Variants in TANC1 observed in about 807,000 individuals in gnomAD.
TANC1 encodes tetratricopeptide repeat, ankyrin repeat and coiled-coil containing 1, also known as protein TANC1.
A neutral mutation model predicts 149.7 loss-of-function variants in TANC1; 77 were observed. That is an observed-to-expected ratio of 0.51 (90% CI 0.43 to 0.62). The LOEUF is 0.62. TANC1 is among the 20% of genes least tolerant of loss of function. TANC1 has a pLI of 0.00. For missense variants in TANC1, 1,985 were observed against 2,321.8 expected (o/e 0.85, Z 2.98); for synonymous variants, 854 against 925.0 (o/e 0.92, Z 1.39).
intron 1 of TANC1, among the ~76,000 whole-genome samples, chr2:158,976,988 T>C (rs1219479660): frequency 1.3e-5 from 2 of 152,192 alleles, no homozygotes; most frequent in South Asian, 2.1e-4. Context: ...TTAAATGTTG[T>C]ATAATGTATA....
At chr2:159,052,798 T>C (rs1467604736) in intron 2 of TANC1, among the ~76,000 whole-genome samples, 3 of 152,248 alleles carry the variant, frequency 2.0e-5, no homozygotes, top group Non-Finnish European at 4.4e-5. Flanking sequence ...TTGTATCATA[T>C]TGTGGAAATA....
chr2:159,033,019 C>T (rs2039904567), intron 2 of TANC1, among the ~76,000 whole-genome samples: 1 of 152,046 alleles, frequency 6.6e-6, no homozygotes, highest in South Asian at 2.1e-4. Flanking sequence ...GGAGGAAGAC[C>T]CAGGGCTGAG....
intron 1 of TANC1, among the ~76,000 whole-genome samples, chr2:158,993,216 C>T (rs1414784148): frequency 6.6e-6 from 1 of 152,140 alleles, no homozygotes; most frequent in African/African-American, 2.4e-5. Flanking sequence ...TGGTTCAGTT[C>T]TCCTAACCCC....
intron 3 of TANC1, among the ~76,000 whole-genome samples, chr2:159,071,400 T>A (rs264652): frequency 0.45 from 50,265 of 110,658 alleles, 8,954 homozygotes; most frequent in South Asian, 0.57. Flanking sequence ...TAAAAAAAAA[T>A]TTTTTTTTGA....
At chr2:159,214,034 G>A (rs1396679594) in intron 19 of TANC1, among the ~76,000 whole-genome samples, 1 of 151,434 alleles carries the variant, frequency 6.6e-6, no homozygotes, top group African/African-American at 2.4e-5. Context: ...GCTGAGGCAG[G>A]AGAATCCCTG....
At chr2:159,040,589 T>C (rs1363446592) in intron 2 of TANC1, among the ~76,000 whole-genome samples, 3 of 152,206 alleles carry the variant, frequency 2.0e-5, no homozygotes, top group Admixed American at 6.5e-5. Flanking sequence ...GTAGTTCTCG[T>C]GCCATGATTT....
chr2:159,218,388 C>G (rs10515928), intron 20 of TANC1, among the ~76,000 whole-genome samples: 13,177 of 152,236 alleles, frequency 0.087, 1,202 homozygotes, highest in East Asian at 0.23. Context: ...TGTACCATCT[C>G]TTCCCTGTCA....
In TANC1 at chr2:159,021,031, C is replaced by T. The variant is rs374916863; in HGVS notation, c.-16+19842C>T. Among the ~76,000 whole-genome samples the T allele has an allele frequency of 1.1e-4, 17 of 152,254 alleles. No individual in the cohort carries two copies. The South Asian group carries it at 3.1e-3, about 28-fold the overall frequency. On this transcript the variant is annotated intron_variant, in intron 2 of 26. Transcript: ENST00000263635. ...AGCTACCAGTCATTACCAGGGTATT[C>T]GAAGTGGTTTGCTAGTACTGGTGTG...
At chr2:159,096,921 A>G (rs2046204544) in intron 3 of TANC1, among the ~76,000 whole-genome samples, 1 of 152,248 alleles carries the variant, frequency 6.6e-6, no homozygotes, top group Non-Finnish European at 1.5e-5. Flanking sequence ...ACATACTGAC[A>G]TACTGGTTTT....
At chr2:159,098,228 C>T (rs927524483) in intron 4 of TANC1, among the ~76,000 whole-genome samples, 4 of 152,106 alleles carry the variant, frequency 2.6e-5, no homozygotes, top group African/African-American at 9.7e-5. Context: ...TTTTACTGTA[C>T]CTTTTCTATG....
At chr2:159,038,935 C>T (rs1285754592) in intron 2 of TANC1, among the ~76,000 whole-genome samples, 1 of 152,188 alleles carries the variant, frequency 6.6e-6, no homozygotes, top group Non-Finnish European at 1.5e-5. Context: ...GTACCAGCTC[C>T]TCTTTGTACC....
At chr2:159,061,691 T>C (rs1045862548) in intron 2 of TANC1, among the ~76,000 whole-genome samples, 9 of 152,212 alleles carry the variant, frequency 5.9e-5, no homozygotes, top group Non-Finnish European at 1.3e-4. Context: ...CTTTTTGTTA[T>C]AGGGGTGTCA....
At chr2:159,201,215 G>T (rs1318363479) in intron 19 of TANC1, among the ~76,000 whole-genome samples, 7 of 152,156 alleles carry the variant, frequency 4.6e-5, no homozygotes, top group Admixed American at 6.5e-5. Flanking sequence ...GCCTGCATTT[G>T]TCAGAGGAAT....
At chr2:159,087,155 G>A (rs1043466941) in intron 3 of TANC1, among the ~76,000 whole-genome samples, 2 of 151,974 alleles carry the variant, frequency 1.3e-5, no homozygotes, top group Non-Finnish European at 1.5e-5. Context: ...CAAAAAGCCC[G>A]TTCCTGAAAG....
At chr2:159,097,999 T>C (rs2046309322) in intron 4 of TANC1, among the ~76,000 whole-genome samples, 165 bp downstream of exon 4, 1 of 151,418 alleles carries the variant, frequency 6.6e-6, no homozygotes, top group Admixed American at 6.6e-5. Context: ...AAGGAAAAAG[T>C]ATGGTTTTAA....
At chr2:159,038,879 A>G (rs190600969) in intron 2 of TANC1, among the ~76,000 whole-genome samples, 2 of 152,030 alleles carry the variant, frequency 1.3e-5, no homozygotes, top group Non-Finnish European at 2.9e-5. Flanking sequence ...GAGTTAGGGA[A>G]GATTCCCTCT....
At chr2:159,140,346 G>A (rs2051223583) in intron 5 of TANC1, among the ~76,000 whole-genome samples, 1 of 152,102 alleles carries the variant, frequency 6.6e-6, no homozygotes. Context: ...TTCTTAGAAT[G>A]GCAGTGCAAC....
At chr2:159,202,325 A>C (rs2058305893) in intron 19 of TANC1, among the ~76,000 whole-genome samples, 1 of 152,182 alleles carries the variant, frequency 6.6e-6, no homozygotes, top group Admixed American at 6.5e-5. Flanking sequence ...TGTACAATAG[A>C]ATTTTAAGAC....
At position 159,194,287 on chromosome 2, in the gene TANC1, A is replaced by G. The variant is rs190610360; in HGVS notation, c.2773A>G (p.Asn925Asp). 293 of 1,614,152 alleles carry G rather than the reference A, an allele frequency of 1.8e-4. 1 individual carries two copies. In the African/African-American group the frequency reaches 3.3e-3, roughly 18 times the overall value. Residue 925 changes from asparagine to aspartate, a missense_variant, in exon 17 of 27, where the codon AAC becomes GAC. Physicochemically the swap from Asn to Asp is conservative, Grantham distance 23. This residue lies in a region of TANC1 where 508 missense variants were observed against 714.2 expected (regional missense o/e 0.71). Transcript: ENST00000263635. ...CCGTCTCCTGATTTTGGGAGGGGCC[A>G]ACGTGAACTACAGGACAGAAGTGTT... Reference protein sequence around the residue: ...VSRLLILGGANVNYRTEVLNN... With the variant: ...VSRLLILGGADVNYRTEVLNN...
Sources: allele counts gnomAD v4.1 joint callset (sites outside exome capture counted in the v4.1 genomes callset), GRCh38; gene constraint gnomAD v4.1.1; regional missense constraint gnomAD v4.1.1; transcripts MANE v1.5; gene names NCBI Gene and HGNC (gene_info 2026-07-23, HGNC 2026-07-21).